The following WASHC3 variants were observed in gnomAD, a reference collection of about 807,000 sequenced individuals.
WASHC3 encodes WASH complex subunit CCDC53.
In WASHC3, 24 loss-of-function variants were observed where a neutral mutation model predicts 26.1. The observed-to-expected ratio is 0.92, with a 90% CI of 0.66 to 1.29. The LOEUF (loss-of-function observed/expected upper bound fraction) is 1.29, where lower values mean the gene tolerates loss of function less well. Ranked by LOEUF, WASHC3 falls within the 50% of genes most tolerant of loss-of-function variation. WASHC3 has a pLI of 0.00. For synonymous variants in WASHC3, 77 were observed against 75.7 expected, an observed-to-expected ratio of 1.02 and a Z score of -0.09; for missense variants, 214 against 229.6, an observed-to-expected ratio of 0.93 and a Z score of 0.44.
intron 2 of WASHC3, among the ~76,000 whole-genome samples, chr12:102,049,383 G>C (rs1428150506): frequency 1.3e-5 from 2 of 152,208 alleles, no homozygotes; most frequent in African/African-American, 4.8e-5. Flanking sequence ...AGAGGAAATG[G>C]AAAGGTAACA....
At chr12:102,026,550 A>T (rs1017107066) in intron 5 of WASHC3, among the ~76,000 whole-genome samples, 1 of 152,204 alleles carries the variant, frequency 6.6e-6, no homozygotes, top group Non-Finnish European at 1.5e-5. Flanking sequence ...CTGGGACTAT[A>T]TTACACATCT....
intron 2 of WASHC3, among the ~76,000 whole-genome samples, chr12:102,058,214 G>A (rs575279208): frequency 6.6e-6 from 1 of 152,174 alleles, no homozygotes; most frequent in East Asian, 1.9e-4. Context: ...ATATCCACAT[G>A]CAGAATGAAA....
At chr12:102,057,502 T>C (rs138884785) in intron 2 of WASHC3, among the ~76,000 whole-genome samples, 8 of 152,262 alleles carry the variant, frequency 5.3e-5, no homozygotes, top group South Asian at 2.1e-4. Context: ...GGCATGCTCT[T>C]ATATATTGAA....
chr12:102,050,658 GA>G (rs772432454), intron 2 of WASHC3: 26 of 419,790 alleles, frequency 6.2e-5, no homozygotes, highest in Admixed American at 2.0e-4. Context: ...GAAAAGAAAA[GA>G]AAAAAAAATT....
chr12:102,038,106 T>C (rs1877755455), intron 5 of WASHC3, among the ~76,000 whole-genome samples: 1 of 152,190 alleles, frequency 6.6e-6, no homozygotes, highest in Admixed American at 6.5e-5. Context: ...GGGTCATTTA[T>C]TTTATATGTA....
At chr12:102,017,875 T>C (rs1876778020) in intron 6 of WASHC3, 1 of 357,448 alleles carries the variant, frequency 2.8e-6, no homozygotes, top group Non-Finnish European at 5.4e-6. Flanking sequence ...TAGTGTTTAG[T>C]ACATTCACAT....
chr12:102,030,479 A>G (rs1403739171), intron 5 of WASHC3, among the ~76,000 whole-genome samples: 1 of 152,094 alleles, frequency 6.6e-6, no homozygotes, highest in Non-Finnish European at 1.5e-5. Context: ...AGAAATATCA[A>G]TTAATTTAAA....
chr12:102,014,075 C>CTTTTTT (rs1189181874), intron 6 of WASHC3, among the ~76,000 whole-genome samples: 39 of 88,722 alleles, frequency 4.4e-4, no homozygotes, highest in East Asian at 8.3e-4. Flanking sequence ...ACTGCTACAT[C>CTTTTTT]TTTTTTTTTT....
At chr12:102,061,849 A>G (rs1413284129) in intron 1 of WASHC3, 63 bp downstream of exon 1, 1 of 1,441,712 alleles carries the variant, frequency 6.9e-7, no homozygotes, top group Non-Finnish European at 9.5e-7. Flanking sequence ...GTCTCCCCGG[A>G]AAGCTGCGTC....
At chr12:102,061,180 C>A in intron 2 of WASHC3, 68 bp downstream of exon 2, 1 of 1,011,954 alleles carries the variant, frequency 9.9e-7, no homozygotes. Context: ...TGTTTTACTC[C>A]ATTTGTCAGT....
At chr12:102,017,869 G>T in intron 6 of WASHC3, 1 of 366,652 alleles carries the variant, frequency 2.7e-6, no homozygotes, top group Admixed American at 3.6e-5. Context: ...ATACGGTAGT[G>T]TTTAGTACAT....
chr12:102,044,622 A>G (rs945177298), intron 3 of WASHC3, among the ~76,000 whole-genome samples: 32 of 152,174 alleles, frequency 2.1e-4, no homozygotes, highest in African/African-American at 7.5e-4. Context: ...TCTATTGATA[A>G]TACTTCGAAA....
At chr12:102,042,369 C>G (rs925487273) in intron 4 of WASHC3, among the ~76,000 whole-genome samples, 3 of 152,028 alleles carry the variant, frequency 2.0e-5, no homozygotes, top group African/African-American at 7.3e-5. Flanking sequence ...AAATATATGG[C>G]TCTTTCTACA....
chr12:102,028,224 ATACT>A (rs1397366979), intron 5 of WASHC3, among the ~76,000 whole-genome samples: 3 of 152,206 alleles, frequency 2.0e-5, no homozygotes, highest in Admixed American at 1.3e-4. Flanking sequence ...AAAGCAAAAC[ATACT>A]TAATAACAAA....
In WASHC3 at chr12:102,061,801, C is replaced by T. The variant is rs971715935; in HGVS notation, c.51+111G>A. 1.5e-5 allele frequency: 14 copies of T among 903,654 alleles called. No homozygotes were observed. In the African/African-American group the frequency reaches 2.2e-4, roughly 14 times the overall value. 56.0% of individuals were successfully genotyped at this position (903,654 alleles called of 1,614,324 possible). On this transcript the variant is annotated intron_variant, in intron 1 of 6. Coordinates refer to ENST00000240079, the MANE Select transcript of WASHC3 (RefSeq NM_016053.4). ...AGGCCCCACAGGCCTGTCACAAGGG[C>T]CCGAGGCCGTGACAGGGTGGGGACT...
upstream of WASHC3, chr12:102,062,075 C>T: frequency 1.2e-6 from 1 of 860,094 alleles, no homozygotes; most frequent in South Asian, 1.7e-5. Context: ...CTCCGGGGCC[C>T]TTCCCGCCGG....
chr12:102,015,396 T>C (rs1427418903), intron 6 of WASHC3, among the ~76,000 whole-genome samples: 2 of 152,276 alleles, frequency 1.3e-5, no homozygotes, highest in East Asian at 3.8e-4. Context: ...TGTGATGCTA[T>C]ATTACATAGT....
In WASHC3 at chr12:102,013,224, C is replaced by G. The variant is rs866018118; in HGVS notation, c.501-32G>C. ...GAAAAGAAAAAAAAATTTCAAAGGT[C>G]TTTTCCAATTGAAAAGAGCACTTAC... On this transcript the variant is annotated intron_variant, in intron 6 of 6. Transcript: ENST00000240079. 3.3e-5 allele frequency: 37 copies of G among 1,126,228 alleles called. 2 individuals carry two copies. The Middle Eastern group carries it at 5.9e-3, about 178-fold the overall frequency. 69.8% of individuals were successfully genotyped at this position (1,126,228 alleles called of 1,614,324 possible).
intron 5 of WASHC3, among the ~76,000 whole-genome samples, chr12:102,034,432 G>A (rs750499294): frequency 1.6e-4 from 25 of 152,102 alleles, no homozygotes; most frequent in Non-Finnish European, 3.1e-4. Context: ...TGCTCTTCCA[G>A]TTAAAAGTTA....
Sources: gnomAD v4.1 joint callset for allele counts (sites outside exome capture counted in the v4.1 genomes callset) on GRCh38, gnomAD v4.1.1 for gene constraint, MANE v1.5 for transcripts, NCBI Gene and HGNC (gene_info 2026-07-23, HGNC 2026-07-21) for gene names.